The following SCN8A variants were observed in gnomAD, a reference collection of about 807,000 sequenced individuals.
SCN8A encodes sodium channel protein type 8 subunit alpha.
A neutral mutation model predicts 184.1 loss-of-function variants in SCN8A; 30 were observed. That is an observed-to-expected ratio of 0.16 (90% CI 0.12 to 0.22). SCN8A has a LOEUF of 0.22. SCN8A is among the 10% of genes least tolerant of loss of function. The pLI is 1.00. For missense variants in SCN8A, 1,057 were observed against 2,498.9 expected (o/e 0.42, Z 12.30); for synonymous variants, 852 against 907.0 (o/e 0.94, Z 1.09).
intron 4 of SCN8A, 31 bp from the exon 5 acceptor site, chr12:51,687,060 A>T: frequency 1.2e-6 from 2 of 1,612,354 alleles, no homozygotes; most frequent in Non-Finnish European, 8.5e-7. Flanking sequence ...TCTGTCCAGA[A>T]ATTACCTCAA....
intron 11 of SCN8A, among the ~76,000 whole-genome samples, chr12:51,715,731 A>G (rs1941955004): frequency 6.6e-6 from 1 of 151,836 alleles, no homozygotes; most frequent in Non-Finnish European, 1.5e-5. Flanking sequence ...CTCTTTCCTA[A>G]TGTGAAGGCC....
intron 4 of SCN8A, among the ~76,000 whole-genome samples, chr12:51,686,721 A>G (rs968975787): frequency 1.3e-5 from 2 of 151,980 alleles, no homozygotes; most frequent in African/African-American, 4.8e-5. Flanking sequence ...TTGTATCCTC[A>G]GTTCCTGGTG....
chr12:51,698,289 A>C (rs1186750119), intron 6 of SCN8A, among the ~76,000 whole-genome samples: 4 of 152,214 alleles, frequency 2.6e-5, no homozygotes, highest in Admixed American at 2.0e-4. Context: ...AAGTCAGACA[A>C]GTAAGTGGCA....
At chr12:51,754,130 A>G (rs577067660) in intron 14 of SCN8A, among the ~76,000 whole-genome samples, 9 of 152,290 alleles carry the variant, frequency 5.9e-5, no homozygotes, top group African/African-American at 1.9e-4. Flanking sequence ...TCCAATCCAC[A>G]TGTTTTATAG....
rs554917536 is a variant in SCN8A at position 51,678,526 on chromosome 12, G to T, written c.277-5648G>T. On this transcript the variant is annotated intron_variant, in intron 2 of 26. Transcript: ENST00000627620. ...GAATTACAGATATCAGTGCTGGAAAGGACCTGAGTATGCCCATCAGGCAGC... is the reference window on the plus strand; with the variant it reads ...GAATTACAGATATCAGTGCTGGAAATGACCTGAGTATGCCCATCAGGCAGC... 9.8e-5 allele frequency among the ~76,000 whole-genome samples: 15 copies of T among 152,338 alleles called. No homozygotes were observed. In the South Asian group the frequency reaches 2.9e-3, roughly 29 times the overall value.
At chr12:51,753,137 C>T (rs898302081) in intron 14 of SCN8A, among the ~76,000 whole-genome samples, 1 of 151,964 alleles carries the variant, frequency 6.6e-6, no homozygotes, top group African/African-American at 2.4e-5. Context: ...TGCTCAGAAC[C>T]ATCAGTAAAA....
intron 19 of SCN8A, among the ~76,000 whole-genome samples, chr12:51,771,640 A>G (rs760974170): frequency 8.5e-5 from 13 of 152,190 alleles, no homozygotes; most frequent in Non-Finnish European, 1.8e-4. Flanking sequence ...TTACACAGGA[A>G]GGTGTCAGGA....
rs763701191 is a variant in SCN8A at position 51,721,793 on chromosome 12, G to T, written c.1883G>T (p.Arg628Leu). ...TACAGCCAGGGCAGCCGCTCCTCGC[G>T]CATCTTCCCCAGCCTGCGGCGCAGC... ...SGYSQGSRSS[R>L]IFPSLRRSVK... The change falls in exon 12 of 27, where the codon CGC becomes CTC. Residue 628 changes from arginine to leucine, a missense_variant. Coordinates refer to ENST00000627620, the MANE Select transcript of SCN8A (RefSeq NM_001330260.2). 3 of 1,609,996 alleles carry T rather than the reference G, an allele frequency of 1.9e-6. No individual in the cohort carries two copies. The highest frequency in any genetic ancestry group is 1.7e-6 in the Non-Finnish European group (2 of 1,179,254).
Position 51,719,591 on chromosome 12 carries a change from G to C in SCN8A, c.1636-1955G>C, listed in dbSNP as rs1159839235. Among the ~76,000 whole-genome samples, 188 of 91,242 alleles carry C rather than the reference G, an allele frequency of 2.1e-3. 2 individuals carry two copies. The highest frequency in any genetic ancestry group is 7.7e-3 in the African/African-American group (172 of 22,382). 59.9% of individuals were successfully genotyped at this position (91,242 alleles called of 152,430 possible). A position where few individuals can be genotyped will look rare whatever the true frequency, so the allele number is the denominator to read the frequency against. On this transcript the variant is annotated intron_variant, in intron 11 of 26. Transcript: ENST00000627620. ...TCCCTCCTGTAATCCCAGCACTTTG[G>C]GAGGCCAAGGCAGGAGGATCACTTG...
chr12:51,703,661 G>T (rs936450678), intron 9 of SCN8A, among the ~76,000 whole-genome samples: 2 of 152,336 alleles, frequency 1.3e-5, no homozygotes, highest in Non-Finnish European at 2.9e-5. Context: ...TGAAGTTAGT[G>T]TAAGTGATTG....
intron 1 of SCN8A, among the ~76,000 whole-genome samples, chr12:51,661,964 C>T (rs377418148): frequency 3.9e-5 from 6 of 152,226 alleles, no homozygotes; most frequent in East Asian, 3.8e-4. Context: ...CTCACGTCTC[C>T]GTCCTTCCTG....
chr12:51,610,349 A>T (rs896383958), intron 1 of SCN8A, among the ~76,000 whole-genome samples: 2 of 152,056 alleles, frequency 1.3e-5, no homozygotes, highest in Non-Finnish European at 2.9e-5. Context: ...CTTTAAGTGG[A>T]GCATTTAGGC....
intron 14 of SCN8A, 120 bp downstream of exon 14, chr12:51,751,713 C>G: frequency 1.4e-6 from 1 of 720,790 alleles, no homozygotes; most frequent in Non-Finnish European, 2.3e-6. Context: ...AATTGGAAGA[C>G]AAATGCTTCC....
intron 1 of SCN8A, among the ~76,000 whole-genome samples, chr12:51,605,327 A>G (rs578011122): frequency 2.0e-5 from 3 of 152,286 alleles, no homozygotes; most frequent in South Asian, 2.1e-4. Flanking sequence ...GCTCCCACCT[A>G]TCAGTGAGAA....
rs1941654169 is a variant in SCN8A, at chr12:51,699,790, A to G, written c.927A>G (p.Lys309=). The change falls in exon 7 of 27, where the codon AAA becomes AAG. Residue 309 remains lysine (K), a splice_region_variant and synonymous_variant. Transcript: ENST00000627620. ...GFDWEEYINN[K]TNFYTVPGML... ...ATTGGGAAGAGTATATCAACAATAAAAGTAGGTGGCCTCTTCTCTGCAAGA... is the reference window on the plus strand; with the variant it reads ...ATTGGGAAGAGTATATCAACAATAAGAGTAGGTGGCCTCTTCTCTGCAAGA... 1.2e-6 allele frequency: 2 copies of G among 1,610,398 alleles called. No individual in the cohort carries two copies. Among genetic ancestry groups the G allele is most frequent in the Admixed American group, 1.7e-5 (1 of 59,644 alleles).
intron 14 of SCN8A, among the ~76,000 whole-genome samples, chr12:51,756,777 G>C (rs965146270): frequency 3.9e-5 from 6 of 152,188 alleles, no homozygotes; most frequent in Admixed American, 1.3e-4. Context: ...CTGGGCAGCA[G>C]CCTCCCTCTA....
At chr12:51,706,984 G>A (rs1443531139) in intron 11 of SCN8A, among the ~76,000 whole-genome samples, 1 of 152,042 alleles carries the variant, frequency 6.6e-6, no homozygotes, top group Non-Finnish European at 1.5e-5. Flanking sequence ...TTCTGTGCTT[G>A]GCTTATTTCA....
At chr12:51,642,868 C>T (rs1940486130) in intron 1 of SCN8A, among the ~76,000 whole-genome samples, 1 of 151,772 alleles carries the variant, frequency 6.6e-6, no homozygotes. Flanking sequence ...GGATATCCTC[C>T]AGTAACCATT....
intron 1 of SCN8A, among the ~76,000 whole-genome samples, chr12:51,602,850 A>G (rs997792222): frequency 6.6e-6 from 1 of 152,136 alleles, no homozygotes; most frequent in Non-Finnish European, 1.5e-5. Context: ...ATAAACCACT[A>G]CTTTCTTCAC....
Sources: allele counts gnomAD v4.1 joint callset (sites outside exome capture counted in the v4.1 genomes callset), GRCh38; gene constraint gnomAD v4.1.1; transcripts MANE v1.5; gene names NCBI Gene and HGNC (gene_info 2026-07-23, HGNC 2026-07-21).